Variants in CRACR2A observed in about 807,000 individuals in gnomAD.
CRACR2A encodes the protein EF-hand calcium-binding domain-containing protein 4B.
CRACR2A carries 79 observed loss-of-function variants against 90.5 expected under a neutral mutation model. The ratio of observed to expected loss-of-function variants is 0.87; its 90% CI spans 0.73 to 1.05. CRACR2A has a LOEUF of 1.05. Among genes scored for constraint, CRACR2A ranks in the 50% least tolerant of loss-of-function variants. The probability of loss-of-function intolerance (pLI) is 0.00; values close to 1 mark genes in which losing one functional copy is unlikely to be tolerated. For missense variants in CRACR2A, 823 were observed against 897.2 expected (o/e 0.92, Z 1.06); for synonymous variants, 338 against 356.7 (o/e 0.95, Z 0.59).
intron 4 of CRACR2A, among the ~76,000 whole-genome samples, chr12:3,684,250 C>T (rs986152526): frequency 3.9e-5 from 6 of 152,224 alleles, no homozygotes; most frequent in Non-Finnish European, 8.8e-5. Context: ...CAACCACCCT[C>T]TTCCCTGTGG....
At chr12:3,660,398 C>G (rs1392763369) in intron 7 of CRACR2A, among the ~76,000 whole-genome samples, 1 of 152,168 alleles carries the variant, frequency 6.6e-6, no homozygotes, top group Non-Finnish European at 1.5e-5. Flanking sequence ...CATCCCCACT[C>G]TCCTTCTCAG....
intron 6 of CRACR2A, among the ~76,000 whole-genome samples, chr12:3,677,987 T>C (rs939215002): frequency 6.6e-6 from 1 of 152,204 alleles, no homozygotes; most frequent in Non-Finnish European, 1.5e-5. Context: ...CTCCTTTTTA[T>C]CATTTTCCAC....
chr12:3,637,418 G>A (rs577158566), intron 14 of CRACR2A, among the ~76,000 whole-genome samples: 3 of 152,264 alleles, frequency 2.0e-5, no homozygotes, highest in South Asian at 2.1e-4. Context: ...GGCAAACAAC[G>A]GTGGGATGTG....
At position 3,633,793 on chromosome 12, in the gene CRACR2A, C is replaced by T. The variant is rs1415953212; in HGVS notation, c.1603-57G>A. The T allele has an allele frequency of 1.9e-6, 3 of 1,547,568 alleles. No individual in the cohort carries two copies. Among genetic ancestry groups the T allele is most frequent in the African/African-American group, 2.7e-5 (2 of 73,022 alleles). ...GGGAATAGTCTTGCCAGCCCCTGCC[C>T]CTGCCACCAGAGGCCCTTTACCCAT... On this transcript the variant is annotated intron_variant, in intron 14 of 19. Transcript: ENST00000440314. The surrounding 1 kb of genome is among the most constrained non-coding windows in gnomAD (Gnocchi z 4.5).
At chr12:3,697,099 A>T in intron 3 of CRACR2A, 64 bp from the exon 4 acceptor site, 1 of 1,482,200 alleles carries the variant, frequency 6.7e-7, no homozygotes, top group Non-Finnish European at 9.0e-7. Context: ...GAAAAAGAAC[A>T]AGAGGGGATG....
intron 2 of CRACR2A, among the ~76,000 whole-genome samples, chr12:3,716,405 T>C (rs573964339): frequency 1.8e-4 from 27 of 152,368 alleles, no homozygotes; most frequent in African/African-American, 6.0e-4. Context: ...TGTCTGCAGC[T>C]GATCTGGGCA....
rs1231658083 is a variant in CRACR2A, at chr12:3,746,652, G to C, written c.-387+6363C>G. ...AGGGAGTATGCATGCCTACTACAGGGACCACCCCTCTCTTCTTAGACCAGA... is the reference window on the plus strand; with the variant it reads ...AGGGAGTATGCATGCCTACTACAGGCACCACCCCTCTCTTCTTAGACCAGA... On this transcript the variant is annotated intron_variant, in intron 1 of 19. Transcript: ENST00000440314. The surrounding 1 kb of genome is among the most constrained non-coding windows in gnomAD (Gnocchi z 4.4). 1.3e-5 allele frequency among the ~76,000 whole-genome samples: 2 copies of C among 152,184 alleles called. No homozygotes were observed. Among genetic ancestry groups the C allele is most frequent in the Non-Finnish European group, 2.9e-5 (2 of 68,020 alleles).
intron 1 of CRACR2A, among the ~76,000 whole-genome samples, chr12:3,745,810 TA>T (rs1317681510): frequency 6.3e-4 from 3 of 4,778 alleles, no homozygotes; most frequent in Non-Finnish European, 1.0e-3. Flanking sequence ...TAAAATAAAA[TA>T]AAATAAAATA....
chr12:3,680,451 C>T (rs911780666), intron 4 of CRACR2A, 102 bp from the exon 5 acceptor site: 19 of 908,806 alleles, frequency 2.1e-5, no homozygotes, highest in Non-Finnish European at 3.1e-5. Flanking sequence ...TAGAGTTCGG[C>T]CCAGTCCTAC....
intron 4 of CRACR2A, among the ~76,000 whole-genome samples, chr12:3,694,063 T>C (rs1334096470): frequency 6.6e-6 from 1 of 152,154 alleles, no homozygotes; most frequent in Non-Finnish European, 1.5e-5. Context: ...TGAGTCCCCG[T>C]GCATGGTAGC....
chr12:3,705,136 G>C (rs1278418810), intron 3 of CRACR2A, among the ~76,000 whole-genome samples: 1 of 152,268 alleles, frequency 6.6e-6, no homozygotes, highest in South Asian at 2.1e-4. Flanking sequence ...AAATGGTGGA[G>C]TATATTCTAA....
intron 4 of CRACR2A, among the ~76,000 whole-genome samples, chr12:3,684,636 C>T (rs145800841): frequency 6.6e-6 from 1 of 152,180 alleles, no homozygotes; most frequent in African/African-American, 2.4e-5. Context: ...TTACATCCTG[C>T]GTGAGTCAGC....
At chr12:3,657,233 A>G (rs994770741) in intron 8 of CRACR2A, among the ~76,000 whole-genome samples, 3 of 152,254 alleles carry the variant, frequency 2.0e-5, no homozygotes, top group African/African-American at 7.2e-5. Context: ...AAACAAAAAT[A>G]CCCATGCCAT....
intron 4 of CRACR2A, among the ~76,000 whole-genome samples, chr12:3,691,315 G>A (rs918343129): frequency 6.6e-6 from 1 of 152,174 alleles, no homozygotes; most frequent in African/African-American, 2.4e-5. Context: ...GCTTCCTTCA[G>A]GAGCTCTTGT....
Position 3,673,437 on chromosome 12 carries a change from G to C in CRACR2A, c.671+9C>G, listed in dbSNP as rs1945286551. The stretch of plus-strand genomic sequence containing the variant: ...AGTTACAGAAAGCGGCTGACACTGG[G>C]GTACCCACCTTTTTAGGGCACACTC... On this transcript the variant is annotated intron_variant, in intron 7 of 19. Coordinates refer to ENST00000440314, the MANE Select transcript of CRACR2A (RefSeq NM_001144958.2). The C allele has an allele frequency of 1.9e-6, 3 of 1,608,010 alleles. No homozygotes were observed. In the African/African-American group the frequency reaches 4.0e-5, roughly 22 times the overall value.
At chr12:3,682,322 C>A (rs1029353017) in intron 4 of CRACR2A, among the ~76,000 whole-genome samples, 5 of 152,190 alleles carry the variant, frequency 3.3e-5, no homozygotes, top group African/African-American at 1.2e-4. Flanking sequence ...ACATGCCTTT[C>A]ACTCAAACAC....
intron 14 of CRACR2A, among the ~76,000 whole-genome samples, chr12:3,636,680 C>T (rs1302373201): frequency 6.6e-6 from 1 of 152,224 alleles, no homozygotes; most frequent in Admixed American, 6.5e-5. Flanking sequence ...TTTGTACCCA[C>T]TGCCAGCAAG....
chr12:3,629,485 G>A (rs1944339456), intron 15 of CRACR2A, among the ~76,000 whole-genome samples: 1 of 152,214 alleles, frequency 6.6e-6, no homozygotes, highest in Admixed American at 6.5e-5. Flanking sequence ...ACAACTCAGG[G>A]GAAAGGCCTC....
intron 18 of CRACR2A, among the ~76,000 whole-genome samples, chr12:3,618,107 G>A (rs1014729711): frequency 1.3e-5 from 2 of 151,684 alleles, no homozygotes; most frequent in African/African-American, 4.8e-5. Flanking sequence ...ACCCCACCTC[G>A]GGTGAGCTGT....
Sources: gnomAD v4.1 joint callset for allele counts (sites outside exome capture counted in the v4.1 genomes callset) on GRCh38, gnomAD v4.1.1 for gene constraint, Gnocchi (gnomAD v3.1) non-coding constraint, MANE v1.5 for transcripts, NCBI Gene and HGNC (gene_info 2026-07-23, HGNC 2026-07-21) for gene names.